Variants in NAV2 observed in about 807,000 individuals in gnomAD.
The protein encoded by NAV2 is helicase, APC down-regulated 1.
NAV2 carries 54 observed loss-of-function variants against 223.2 expected under a neutral mutation model. That is an observed-to-expected ratio of 0.24 (90% confidence interval 0.19 to 0.30). The LOEUF (loss-of-function observed/expected upper bound fraction) is 0.30, where lower values mean the gene tolerates loss of function less well. NAV2 is among the 10% of genes least tolerant of loss of function. NAV2 has a pLI of 1.00. For synonymous variants in NAV2, 1,279 were observed against 1,239.3 expected, an observed-to-expected ratio of 1.03 and a Z score of -0.67; for missense variants, 2,806 against 3,147.5, an observed-to-expected ratio of 0.89 and a Z score of 2.60.
chr11:19,406,838 C>T (rs894080793), intron 1 of NAV2, among the ~76,000 whole-genome samples: 3 of 152,184 alleles, frequency 2.0e-5, no homozygotes, highest in African/African-American at 7.2e-5. Flanking sequence ...CTTAATATCA[C>T]CTCTTCTCCT....
chr11:19,709,345 A>C (rs555351831), upstream of NAV2, among the ~76,000 whole-genome samples: 2 of 152,008 alleles, frequency 1.3e-5, no homozygotes, highest in African/African-American at 2.4e-5. Flanking sequence ...GGTCGAGACC[A>C]TCCTGGCTAA....
chr11:19,539,208 A>G (rs1186036523), intron 1 of NAV2, among the ~76,000 whole-genome samples: 5 of 152,236 alleles, frequency 3.3e-5, no homozygotes, highest in Non-Finnish European at 1.5e-5. Flanking sequence ...AACTGGGGGT[A>G]GATGAAGATT....
chr11:20,110,918 C>T (rs2062577519), intron 36 of NAV2, among the ~76,000 whole-genome samples: 1 of 152,142 alleles, frequency 6.6e-6, no homozygotes, highest in East Asian at 1.9e-4. Flanking sequence ...GGCTACCGTG[C>T]ACCAGGAGCT....
intron 1 of NAV2, among the ~76,000 whole-genome samples, chr11:19,400,876 G>A (rs867820008): frequency 6.6e-6 from 1 of 152,182 alleles, no homozygotes; most frequent in Non-Finnish European, 1.5e-5. Context: ...CATCACAGAA[G>A]GGCAGTTCTA....
intron 1 of NAV2, among the ~76,000 whole-genome samples, chr11:19,642,521 T>C (rs1461949542): frequency 6.6e-6 from 1 of 152,208 alleles, no homozygotes; most frequent in East Asian, 1.9e-4. Context: ...GTTCCACTGC[T>C]GGATTCTCTC....
chr11:19,626,778 A>G lies in NAV2; in HGVS notation c.76-205706A>G, dbSNP rs35057457. Among the ~76,000 whole-genome samples, 734 of 152,144 alleles carry G rather than the reference A, an allele frequency of 4.8e-3. 10 individuals carry two copies. Among genetic ancestry groups the G allele is most frequent in the Non-Finnish European group, 8.1e-3 (551 of 68,014 alleles). ...ACTTTATTCCTAGGTATTTTATTTT[A>G]CATTTTTAATAACATAGGTTTTAGT... is the stretch of plus-strand genomic sequence containing the variant. On this transcript the variant is annotated intron_variant, in intron 1 of 37. Transcript: ENST00000360655.
At chr11:19,986,727 A>G (rs2050829670) in intron 11 of NAV2, among the ~76,000 whole-genome samples, 1 of 152,224 alleles carries the variant, frequency 6.6e-6, no homozygotes, top group African/African-American at 2.4e-5. Flanking sequence ...CTACAAATTT[A>G]CCCTTGTTTT....
chr11:19,945,136 TCTTC>T (rs1591364768), intron 8 of NAV2, among the ~76,000 whole-genome samples: 27 of 141,436 alleles, frequency 1.9e-4, no homozygotes, highest in East Asian at 8.2e-4. Context: ...TTTCTTTCTT[TCTTC>T]CTTTCTTTCT....
chr11:19,960,625 A>T (rs1194438387), intron 10 of NAV2, among the ~76,000 whole-genome samples: 1 of 149,916 alleles, frequency 6.7e-6, no homozygotes, highest in African/African-American at 2.5e-5. Flanking sequence ...TTATTTATTT[A>T]TTTTTTGAGA....
chr11:19,635,259 C>A (rs1213842052), intron 1 of NAV2, among the ~76,000 whole-genome samples: 2 of 152,136 alleles, frequency 1.3e-5, no homozygotes, highest in African/African-American at 4.8e-5. Flanking sequence ...GAATTTTATC[C>A]TGAAAGTAGT....
chr11:19,358,765 G>A (rs1219575183), intron 1 of NAV2, among the ~76,000 whole-genome samples: 1 of 152,160 alleles, frequency 6.6e-6, no homozygotes, highest in Non-Finnish European at 1.5e-5. Context: ...TTACACAGAG[G>A]TGTGTGAGTC....
At chr11:19,745,676 C>A (rs150944844) in intron 1 of NAV2, among the ~76,000 whole-genome samples, 2 of 152,184 alleles carry the variant, frequency 1.3e-5, no homozygotes, top group African/African-American at 2.4e-5. Flanking sequence ...CGGGATGAAA[C>A]TTTTGCACCT....
intron 1 of NAV2, among the ~76,000 whole-genome samples, chr11:19,468,406 C>A (rs1335704981): frequency 6.6e-6 from 1 of 152,150 alleles, no homozygotes; most frequent in East Asian, 1.9e-4. Context: ...GAGGGTCTTT[C>A]CTTGCCTCTT....
At position 19,551,239 on chromosome 11, in the gene NAV2, A is replaced by G. The variant is rs116807110; in HGVS notation, c.75+200212A>G. The stretch of plus-strand genomic sequence containing the variant: ...CTACAATTTATGCAAGAACATGTGC[A>G]GGTTGGCAGGCTCACTTGTCATTGA... On this transcript the variant is annotated intron_variant, in intron 1 of 37. Coordinates refer to the NAV2 transcript ENST00000360655. 3.3e-3 allele frequency among the ~76,000 whole-genome samples: 509 copies of G among 152,376 alleles called. 4 individuals carry two copies. The highest frequency in any genetic ancestry group is 0.012 in the African/African-American group (494 of 41,588).
At chr11:19,351,990 T>G (rs1238129174) in intron 1 of NAV2, among the ~76,000 whole-genome samples, 2 of 151,642 alleles carry the variant, frequency 1.3e-5, no homozygotes, top group Non-Finnish European at 2.9e-5. Context: ...TGTGTGTGTG[T>G]GTGTGTGTGT....
intron 1 of NAV2, among the ~76,000 whole-genome samples, chr11:19,425,387 C>A (rs1422789682): frequency 6.6e-6 from 1 of 152,214 alleles, no homozygotes; most frequent in Non-Finnish European, 1.5e-5. Context: ...TTCCCTTCTT[C>A]ATGAATGCCT....
At position 19,998,491 on chromosome 11, in the gene NAV2, C is replaced by T. The variant is rs551519717; in HGVS notation, c.2768+14244C>T. 7.9e-5 allele frequency among the ~76,000 whole-genome samples: 12 copies of T among 152,250 alleles called. No homozygotes were observed. The highest frequency in any genetic ancestry group is 2.9e-4 in the African/African-American group (12 of 41,546). On this transcript the variant is annotated intron_variant, in intron 11 of 37. Coordinates refer to ENST00000349880, the MANE Select transcript of NAV2 (RefSeq NM_145117.5). The surrounding 1 kb of genome is among the most constrained non-coding windows in gnomAD (Gnocchi z 5.0). ...CCTCTGCCCTTGCCTGAAACCCTCC[C>T]TTAGTGCCTTTCCATTGCACCTAGA...
intron 2 of NAV2, 125 bp from the exon 3 acceptor site, chr11:19,842,746 G>T: frequency 1.3e-6 from 1 of 768,312 alleles, no homozygotes. Context: ...TATTTCACAT[G>T]CCTGCACTGA....
intron 8 of NAV2, among the ~76,000 whole-genome samples, chr11:19,940,086 CTT>C (rs1415692890): frequency 6.6e-6 from 1 of 152,042 alleles, no homozygotes; most frequent in African/African-American, 2.4e-5. Flanking sequence ...TGATACTTAA[CTT>C]TGAATCTTCT....
Sources: gnomAD v4.1 joint callset for allele counts (sites outside exome capture counted in the v4.1 genomes callset) on GRCh38, gnomAD v4.1.1 for gene constraint, Gnocchi (gnomAD v3.1) non-coding constraint, MANE v1.5 for transcripts, NCBI Gene and HGNC (gene_info 2026-07-23, HGNC 2026-07-21) for gene names.